NRXN3: variants seen among roughly 807,000 people sequenced by gnomAD.
NRXN3 encodes the protein neurexin 3, also known as neurexin III.
Under a neutral mutation model 137.6 loss-of-function variants are expected in NRXN3, and 32 were observed. The ratio of observed to expected loss-of-function variants is 0.23; its 90% CI spans 0.18 to 0.31. The LOEUF (loss-of-function observed/expected upper bound fraction) is 0.31, where lower values mean the gene tolerates loss of function less well. Among genes scored for constraint, NRXN3 ranks in the 10% least tolerant of loss-of-function variants. The pLI is 1.00. For missense variants in NRXN3, 1,574 were observed against 2,062.5 expected (o/e 0.76, Z 4.59); for synonymous variants, 798 against 784.5 (o/e 1.02, Z -0.29).
chr14:78,755,795 T>A (rs1186291615), intron 8 of NRXN3, among the ~76,000 whole-genome samples: 1 of 152,232 alleles, frequency 6.6e-6, no homozygotes, highest in Non-Finnish European at 1.5e-5. Flanking sequence ...CTATAGCTGA[T>A]CTTGGCATTA....
chr14:78,716,492 T>C (rs892838932), intron 8 of NRXN3, among the ~76,000 whole-genome samples: 8 of 152,288 alleles, frequency 5.3e-5, no homozygotes, highest in African/African-American at 1.9e-4. Flanking sequence ...TGTAATAAGA[T>C]GATGTAAGAC....
intron 15 of NRXN3, among the ~76,000 whole-genome samples, chr14:79,162,465 C>G: frequency 6.6e-6 from 1 of 151,814 alleles, no homozygotes; most frequent in Admixed American, 6.6e-5. Context: ...CTACAAAGGA[C>G]GTGAACTCAT....
At chr14:78,807,734 CAAAAA>C (rs144921592) in intron 9 of NRXN3, among the ~76,000 whole-genome samples, 1 of 111,724 alleles carries the variant, frequency 9.0e-6, no homozygotes, top group Non-Finnish European at 1.9e-5. Flanking sequence ...GATTCTGTCT[CAAAAA>C]AAAAAAAAAA....
chr14:79,556,881 C>T (rs2097434815), intron 16 of NRXN3, among the ~76,000 whole-genome samples: 1 of 152,192 alleles, frequency 6.6e-6, no homozygotes, highest in Non-Finnish European at 1.5e-5. Flanking sequence ...TTGGTCCAAC[C>T]CAATGTTGCA....
chr14:79,004,618 C>A (rs913195116), intron 15 of NRXN3, among the ~76,000 whole-genome samples: 21 of 152,140 alleles, frequency 1.4e-4, no homozygotes, highest in African/African-American at 5.1e-4. Flanking sequence ...CAAGTAATTA[C>A]CAACAGTGGG....
At chr14:78,778,792 CTTTCTTTCTTTCTTTCTTTCTT>C (rs2098757100) in intron 8 of NRXN3, among the ~76,000 whole-genome samples, 1 of 127,216 alleles carries the variant, frequency 7.9e-6, no homozygotes, top group African/African-American at 3.1e-5. Context: ...TTCTTTCTTT[CTTTCTTTCTTTCTTTCTTTCTT>C]TCTTTCTTTT....
chr14:79,447,402 C>T (rs2096079506), intron 15 of NRXN3, among the ~76,000 whole-genome samples: 1 of 152,114 alleles, frequency 6.6e-6, no homozygotes, highest in Admixed American at 6.5e-5. Context: ...TCCCAAATGG[C>T]TACTGATTTT....
intron 14 of NRXN3, among the ~76,000 whole-genome samples, chr14:78,982,847 T>A (rs145093691): frequency 1.8e-3 from 276 of 152,196 alleles, no homozygotes; most frequent in African/African-American, 6.2e-3. Context: ...AGTGAAGAAG[T>A]AACCCATAGA....
intron 16 of NRXN3, among the ~76,000 whole-genome samples, chr14:79,656,662 G>C (rs1038370202): frequency 2.0e-5 from 3 of 148,598 alleles, no homozygotes; most frequent in African/African-American, 7.5e-5. Context: ...GCTGTCTCGA[G>C]CTATTTATCA....
At position 78,997,216 on chromosome 14, in the gene NRXN3, A is replaced by G. The variant is rs75810134; in HGVS notation, c.3262+9075A>G. Among the ~76,000 whole-genome samples, 363 of 152,322 alleles carry G rather than the reference A, an allele frequency of 2.4e-3. 2 individuals carry two copies. The highest frequency in any genetic ancestry group is 7.9e-3 in the African/African-American group (329 of 41,580). ...GACACTTGGTCCTATGGTTCAAGAAAAAATAGTCTCCATAATTCAAAGGCA... is the reference window on the plus strand; with the variant it reads ...GACACTTGGTCCTATGGTTCAAGAAGAAATAGTCTCCATAATTCAAAGGCA... On this transcript the variant is annotated intron_variant, in intron 15 of 20. Coordinates refer to ENST00000335750, the MANE Select transcript of NRXN3 (RefSeq NM_001330195.2).
chr14:78,725,996 G>T (rs987367984), intron 8 of NRXN3, among the ~76,000 whole-genome samples: 2 of 152,132 alleles, frequency 1.3e-5, no homozygotes, highest in African/African-American at 4.8e-5. Flanking sequence ...CCAAGAATAC[G>T]TTGAGGTGAT....
chr14:79,698,840 A>G (rs1486893473), intron 19 of NRXN3, among the ~76,000 whole-genome samples: 3 of 152,042 alleles, frequency 2.0e-5, no homozygotes, highest in Admixed American at 1.3e-4. Flanking sequence ...GACATTATCC[A>G]GGAGCTCAGT....
intron 4 of NRXN3, among the ~76,000 whole-genome samples, chr14:78,465,242 T>C (rs1347254453): frequency 6.6e-6 from 1 of 152,106 alleles, no homozygotes; most frequent in Non-Finnish European, 1.5e-5. Context: ...GACACTATCA[T>C]ACTTTTAGAG....
intron 10 of NRXN3, among the ~76,000 whole-genome samples, chr14:78,834,207 A>T (rs2098990030): frequency 1.3e-5 from 2 of 152,120 alleles, no homozygotes. Context: ...AAGCTTGAGG[A>T]AACATTTATA....
intron 15 of NRXN3, among the ~76,000 whole-genome samples, chr14:79,379,604 C>T (rs1284174288): frequency 6.6e-6 from 1 of 152,120 alleles, no homozygotes; most frequent in African/African-American, 2.4e-5. Flanking sequence ...GACGGCAGGA[C>T]TGTAGCTTTA....
At chr14:78,466,304 A>G (rs917262343) in intron 4 of NRXN3, among the ~76,000 whole-genome samples, 1 of 152,252 alleles carries the variant, frequency 6.6e-6, no homozygotes, top group East Asian at 1.9e-4. Context: ...AGAAGTTCTC[A>G]TAATGTAAAA....
chr14:79,861,434 G>A lies in NRXN3; in HGVS notation c.4186G>A (p.Glu1396Lys). The change falls in exon 21 of 21, where the codon GAA becomes AAA. Residue 1396 changes from glutamate to lysine, a missense_variant. This residue lies in a region of NRXN3 where 320 missense variants were observed against 387.1 expected (regional missense o/e 0.83). Coordinates refer to ENST00000335750, the MANE Select transcript of NRXN3 (RefSeq NM_001330195.2). This position sits in a 1 kb window ranked among gnomAD's most constrained non-coding sequence, Gnocchi z 5.4. Reference sequence around the variant, plus strand: ...GGACTTTAGACCTAACAAAGTCTCCGAAACTAGTAGGACTACTACCACATC... The same window carrying A: ...GGACTTTAGACCTAACAAAGTCTCCAAAACTAGTAGGACTACTACCACATC... ...SKDFRPNKVSETSRTTTTSLS... is the reference protein window; with the variant it reads ...SKDFRPNKVSKTSRTTTTSLS... 6.5e-7 allele frequency: 1 copy of A among 1,536,428 alleles called. No individual in the cohort carries two copies. The highest frequency in any genetic ancestry group is 8.7e-7 in the Non-Finnish European group (1 of 1,146,988).
intron 19 of NRXN3, among the ~76,000 whole-genome samples, chr14:79,704,347 T>C (rs1453905926): frequency 6.6e-6 from 1 of 152,136 alleles, no homozygotes; most frequent in Non-Finnish European, 1.5e-5. Context: ...GGAGACAAGA[T>C]AGATCCACCT....
chr14:78,589,579 C>T (rs2097097787), intron 4 of NRXN3, among the ~76,000 whole-genome samples: 1 of 152,222 alleles, frequency 6.6e-6, no homozygotes, highest in East Asian at 1.9e-4. Context: ...CTGAGATTCT[C>T]TTAAGCTCTT....
Sources: allele counts gnomAD v4.1 joint callset (sites outside exome capture counted in the v4.1 genomes callset), GRCh38; gene constraint gnomAD v4.1.1; regional missense constraint gnomAD v4.1.1; non-coding constraint Gnocchi (gnomAD v3.1); transcripts MANE v1.5; gene names NCBI Gene and HGNC (gene_info 2026-07-23, HGNC 2026-07-21).